The following DSCAML1 variants were observed in gnomAD, a reference collection of about 807,000 sequenced individuals.
DSCAML1 encodes cell adhesion molecule DSCAML1.
DSCAML1 carries 38 observed loss-of-function variants against 200.5 expected under a neutral mutation model. That is an observed-to-expected ratio of 0.19 (90% CI 0.15 to 0.25). The LOEUF (loss-of-function observed/expected upper bound fraction) is 0.25. Ranked by LOEUF, DSCAML1 falls within the 10% of genes least tolerant of loss-of-function variation. The pLI is 1.00. For missense variants in DSCAML1, 2,223 were observed against 2,858.8 expected, an observed-to-expected ratio of 0.78 and a Z score of 5.07; for synonymous variants, 1,215 against 1,165.0, an observed-to-expected ratio of 1.04 and a Z score of -0.87.
At chr11:117,750,289 A>T (rs544983776) in intron 3 of DSCAML1, among the ~76,000 whole-genome samples, 22 of 152,322 alleles carry the variant, frequency 1.4e-4, no homozygotes, top group African/African-American at 5.1e-4. Context: ...GGGGATATGC[A>T]GGTAAAGATA....
chr11:117,432,419 C>A lies in DSCAML1; in HGVS notation c.5112G>T (p.Leu1704Phe). The A allele has an allele frequency of 6.2e-7, 1 of 1,614,126 alleles. No homozygotes were observed. The highest frequency in any genetic ancestry group is 8.5e-7 in the Non-Finnish European group (1 of 1,180,038). Residue 1704 changes from leucine to phenylalanine, a missense_variant, in exon 30 of 33, where the codon TTG becomes TTT. Leu to Phe is a conservative substitution (Grantham distance 22). Coordinates refer to ENST00000651296, the MANE Select transcript of DSCAML1 (RefSeq NM_020693.4). ...TGCTCTGGATGAGGGTTGGGTGGTGCAAGGAGACGCCAGTACAGAAGCTCT... is the reference window on the plus strand; with the variant it reads ...TGCTCTGGATGAGGGTTGGGTGGTGAAAGGAGACGCCAGTACAGAAGCTCT... Reference protein sequence around the residue: ...NPQSFCTGVSLHHPTLIQSTG... With the variant: ...NPQSFCTGVSFHHPTLIQSTG...
chr11:117,528,783 A>G (rs1287156757), intron 4 of DSCAML1, among the ~76,000 whole-genome samples: 1 of 152,198 alleles, frequency 6.6e-6, no homozygotes, highest in Non-Finnish European at 1.5e-5. Context: ...GAGTGAGTTA[A>G]TACACCTGAA....
chr11:117,486,174 A>T (rs1424729103), intron 11 of DSCAML1, among the ~76,000 whole-genome samples: 1 of 152,236 alleles, frequency 6.6e-6, no homozygotes, highest in Non-Finnish European at 1.5e-5. Flanking sequence ...AAGTGAATGC[A>T]ATCAGCCAAT....
Position 117,780,707 on chromosome 11 carries a change from C to G in DSCAML1, c.150G>C (p.Ala50=). Residue 50 remains alanine, a synonymous_variant, in exon 2 of 33, where the codon GCG becomes GCC. Transcript: ENST00000651296. The surrounding 1 kb of genome is among the most constrained non-coding windows in gnomAD (Gnocchi z 4.8). The part of the protein sequence containing the change: ...SVGVVVPCPA[A]GSPSAALRWY... The stretch of plus-strand genomic sequence containing the variant: ...ATCGAAGGGCCGCGCTGGGGGAGCC[C>G]GCGGCCGGGCAGGGCACCACCACCC... The G allele has an allele frequency of 6.3e-7, 1 of 1,580,928 alleles. No individual in the cohort carries two copies. Among genetic ancestry groups the G allele is most frequent in the Non-Finnish European group, 8.6e-7 (1 of 1,162,368 alleles).
intron 3 of DSCAML1, among the ~76,000 whole-genome samples, chr11:117,655,157 A>T (rs2052707887): frequency 6.6e-6 from 1 of 152,112 alleles, no homozygotes; most frequent in Non-Finnish European, 1.5e-5. Context: ...TGCCATCTCC[A>T]TGCCCTGATA....
At chr11:117,721,115 C>T (rs138070328) in intron 3 of DSCAML1, among the ~76,000 whole-genome samples, 11 of 152,316 alleles carry the variant, frequency 7.2e-5, no homozygotes, top group South Asian at 2.1e-4. Context: ...TGGCAGATTC[C>T]GGATTCAGAT....
chr11:117,580,850 A>G (rs1414182680), intron 3 of DSCAML1, among the ~76,000 whole-genome samples: 1 of 152,204 alleles, frequency 6.6e-6, no homozygotes, highest in South Asian at 2.1e-4. Flanking sequence ...ATTAATGGGA[A>G]CCTTGAACAT....
rs11366733 is a variant in DSCAML1, at chr11:117,676,173, CAA to C, written c.511+100616_511+100617del. Among the ~76,000 whole-genome samples, 145 of 143,718 alleles carry C rather than the reference CAA, an allele frequency of 1.0e-3. 1 individual carries two copies. The highest frequency in any genetic ancestry group is 3.4e-3 in the African/African-American group (137 of 39,858). 94.3% of individuals were successfully genotyped at this position (143,718 alleles called of 152,430 possible). On this transcript the variant is annotated intron_variant, in intron 3 of 32. Transcript: ENST00000651296. ...AAAAAATCATTGCTAGTTTTGATTA[CAA>C]AAAAAAAAAGCAATCATAAGAGAGG... is the stretch of plus-strand genomic sequence containing the variant.
At chr11:117,617,675 T>TAC (rs1555190802) in intron 3 of DSCAML1, among the ~76,000 whole-genome samples, 10 of 107,740 alleles carry the variant, frequency 9.3e-5, no homozygotes, top group South Asian at 6.9e-4. Flanking sequence ...AACACACAGG[T>TAC]ACACGCACAC....
chr11:117,591,175 CAGAG>C (rs1203751304), intron 3 of DSCAML1, among the ~76,000 whole-genome samples: 1 of 152,140 alleles, frequency 6.6e-6, no homozygotes, highest in African/African-American at 2.4e-5. Context: ...TATTCACATA[CAGAG>C]AGCAGCACAG....
chr11:117,458,711 G>C, intron 19 of DSCAML1, 43 bp downstream of exon 19: 2 of 1,601,824 alleles, frequency 1.2e-6, no homozygotes, highest in Non-Finnish European at 1.7e-6. Flanking sequence ...GGTTAGCAGT[G>C]GGTGGCAGGG....
rs545660561 is a variant in DSCAML1, at chr11:117,443,377, T to C, written c.3862+509A>G. On this transcript the variant is annotated intron_variant, in intron 21 of 32. Transcript: ENST00000651296. The stretch of plus-strand genomic sequence containing the variant: ...GGGGCACTCCCTAAGAGGGTCTGAT[T>C]CTAGCCCAGAGCCTTCCTTCACAGC... Among the ~76,000 whole-genome samples, 10 of 152,360 alleles carry C rather than the reference T, an allele frequency of 6.6e-5. No homozygotes were observed. The South Asian group carries it at 2.1e-3, about 32-fold the overall frequency.
In DSCAML1 at chr11:117,524,959, C is replaced by T. The variant is rs779127216; in HGVS notation, c.783G>A (p.Lys261=). 1.2e-6 allele frequency: 2 copies of T among 1,613,272 alleles called. No homozygotes were observed. Among genetic ancestry groups the T allele is most frequent in the South Asian group, 1.1e-5 (1 of 90,920 alleles). Residue 261 remains lysine, a synonymous_variant, in exon 5 of 33, where the codon AAG becomes AAA. Transcript: ENST00000651296. ...TGTCAGCCGGGAGGGGCCGGCCATCCTTGAGCCAGCGGATGGCGGGGATAG... is the reference window on the plus strand; with the variant it reads ...TGTCAGCCGGGAGGGGCCGGCCATCTTTGAGCCAGCGGATGGCGGGGATAG... ...GYPIPAIRWL[K]DGRPLPADSR...
intron 3 of DSCAML1, among the ~76,000 whole-genome samples, chr11:117,618,383 C>T (rs770077960): frequency 6.6e-6 from 1 of 152,170 alleles, no homozygotes; most frequent in African/African-American, 2.4e-5. Context: ...CTGGAACTTC[C>T]ACCTGCTGGT....
rs770064594 is a variant in DSCAML1, at chr11:117,444,044, G to C, written c.3709-5C>G. ...CGTCTCGTACTCGCTGGGAGCCTGC[G>C]GGGCAGAGGCAAAGAGGCTCTAAGA... On this transcript the variant is annotated splice_polypyrimidine_tract_variant and splice_region_variant and intron_variant, in intron 20 of 32. Coordinates refer to ENST00000651296, the MANE Select transcript of DSCAML1 (RefSeq NM_020693.4). 22 of 1,609,464 alleles carry C rather than the reference G, an allele frequency of 1.4e-5. No homozygotes were observed. The highest frequency in any genetic ancestry group is 5.0e-5 in the Admixed American group (3 of 59,648).
intron 3 of DSCAML1, among the ~76,000 whole-genome samples, chr11:117,729,677 C>G (rs1030956200): frequency 6.6e-6 from 1 of 152,188 alleles, no homozygotes; most frequent in Non-Finnish European, 1.5e-5. Flanking sequence ...ACAACATTAG[C>G]TACAGGAAAA....
chr11:117,813,420 AC>A (rs1405725904), intron 1 of DSCAML1, among the ~76,000 whole-genome samples: 3 of 152,162 alleles, frequency 2.0e-5, no homozygotes, highest in Non-Finnish European at 4.4e-5. Context: ...GCCGGTTTAT[AC>A]TGTTTCTCCA....
At chr11:117,700,943 C>A (rs182612714) in intron 3 of DSCAML1, among the ~76,000 whole-genome samples, 19 of 152,360 alleles carry the variant, frequency 1.2e-4, no homozygotes, top group Admixed American at 5.9e-4. Flanking sequence ...ACAGCACAGA[C>A]TTTGCTTTAC....
At chr11:117,701,608 C>T (rs555158803) in intron 3 of DSCAML1, among the ~76,000 whole-genome samples, 11 of 152,268 alleles carry the variant, frequency 7.2e-5, no homozygotes, top group East Asian at 5.8e-4. Context: ...AAAGCCAGCG[C>T]GGGGTGGGGG....
Sources: gnomAD v4.1 joint callset for allele counts (sites outside exome capture counted in the v4.1 genomes callset) on GRCh38, gnomAD v4.1.1 for gene constraint, Gnocchi (gnomAD v3.1) non-coding constraint, MANE v1.5 for transcripts, NCBI Gene and HGNC (gene_info 2026-07-23, HGNC 2026-07-21) for gene names.